Variants in PCDH15 observed in about 807,000 individuals in gnomAD.
PCDH15 encodes protocadherin related 15.
PCDH15 carries 129 observed loss-of-function variants against 178.5 expected under a neutral mutation model. That is an observed-to-expected ratio of 0.72 (90% CI 0.63 to 0.84). The LOEUF (loss-of-function observed/expected upper bound fraction) is 0.84. Among genes scored for constraint, PCDH15 ranks in the 40% least tolerant of loss-of-function variants. The pLI, the probability that PCDH15 is intolerant of heterozygous loss-of-function variation, is 0.00. For synonymous variants in PCDH15, 800 were observed against 732.0 expected, an observed-to-expected ratio of 1.09 and a Z score of -1.50; for missense variants, 2,230 against 2,099.9, an observed-to-expected ratio of 1.06 and a Z score of -1.21.
chr10:54,769,533 A>G (rs1195871729), intron 1 of PCDH15, among the ~76,000 whole-genome samples: 1 of 151,708 alleles, frequency 6.6e-6, no homozygotes, highest in Non-Finnish European at 1.5e-5. Flanking sequence ...AAGATAGACC[A>G]TATTTTCTTA....
intron 3 of PCDH15, among the ~76,000 whole-genome samples, chr10:54,893,507 T>C (rs1359593457): frequency 2.6e-5 from 4 of 152,084 alleles, no homozygotes; most frequent in Non-Finnish European, 4.4e-5. Context: ...GGTAATAAAG[T>C]AAATTGTCCT....
chr10:54,655,256 AAGAGAGAG>A (rs1173377441), intron 2 of PCDH15, among the ~76,000 whole-genome samples: 2,012 of 48,878 alleles, frequency 0.041, 27 homozygotes, highest in Middle Eastern at 0.098. Flanking sequence ...GAAAGAAAGA[AAGAGAGAG>A]AGAGAGAGAG....
intron 13 of PCDH15, among the ~76,000 whole-genome samples, chr10:54,169,659 A>C (rs2046662993): frequency 6.6e-6 from 1 of 150,690 alleles, no homozygotes; most frequent in Non-Finnish European, 1.5e-5. Context: ...AGTATAAGAT[A>C]CCTCTACTCC....
At chr10:54,849,446 C>T (rs1447576648) in intron 3 of PCDH15, among the ~76,000 whole-genome samples, 3 of 152,140 alleles carry the variant, frequency 2.0e-5, no homozygotes, top group African/African-American at 7.2e-5. Context: ...TTAATTTAGG[C>T]CATTTTTCAT....
intron 15 of PCDH15, among the ~76,000 whole-genome samples, chr10:54,132,366 C>T (rs1246712529): frequency 6.6e-6 from 1 of 152,254 alleles, no homozygotes; most frequent in African/African-American, 2.4e-5. Context: ...CTACCCCCTT[C>T]TTCTAAAGGA....
chr10:54,827,394 A>G (rs1425719956), intron 3 of PCDH15, among the ~76,000 whole-genome samples: 1 of 152,150 alleles, frequency 6.6e-6, no homozygotes, highest in Non-Finnish European at 1.5e-5. Context: ...TGGGCAGTGT[A>G]CGAACTAGTG....
intron 1 of PCDH15, among the ~76,000 whole-genome samples, chr10:54,763,619 TC>T (rs943900624): frequency 2.0e-5 from 3 of 151,940 alleles, no homozygotes; most frequent in African/African-American, 7.2e-5. Context: ...TTTGAAATGT[TC>T]CCAAAACAAA....
chr10:54,099,953 A>G (rs768055450), intron 15 of PCDH15, among the ~76,000 whole-genome samples: 8 of 152,224 alleles, frequency 5.3e-5, no homozygotes, highest in Non-Finnish European at 1.0e-4. Context: ...ATCCCTAGAC[A>G]TCTATTCTAA....
chr10:54,746,596 C>T (rs1945493734), intron 1 of PCDH15, among the ~76,000 whole-genome samples: 1 of 152,044 alleles, frequency 6.6e-6, no homozygotes, highest in Non-Finnish European at 1.5e-5. Flanking sequence ...ATATATTCAC[C>T]TATTATGTAT....
At chr10:54,734,855 C>T (rs1943871506) in intron 1 of PCDH15, among the ~76,000 whole-genome samples, 1 of 148,710 alleles carries the variant, frequency 6.7e-6, no homozygotes, top group South Asian at 2.1e-4. Flanking sequence ...AAAAGCAAAA[C>T]TATAAGAAAG....
chr10:54,053,851 T>C (rs957211592), intron 18 of PCDH15, among the ~76,000 whole-genome samples: 3 of 152,146 alleles, frequency 2.0e-5, no homozygotes, highest in Non-Finnish European at 4.4e-5. Context: ...AAGACCAGTA[T>C]CAGGATAACT....
intron 1 of PCDH15, among the ~76,000 whole-genome samples, chr10:55,266,074 G>C (rs58521439): frequency 6.6e-6 from 1 of 152,112 alleles, no homozygotes; most frequent in Non-Finnish European, 1.5e-5. Context: ...TTTCACCAGG[G>C]TGAAACACCT....
intron 1 of PCDH15, among the ~76,000 whole-genome samples, chr10:55,245,865 T>C (rs1841666713): frequency 6.6e-6 from 1 of 152,232 alleles, no homozygotes; most frequent in Admixed American, 6.5e-5. Flanking sequence ...TAGATCAGAG[T>C]AGACAGCAAA....
chr10:54,091,490 T>C (rs546534351), intron 15 of PCDH15, among the ~76,000 whole-genome samples: 1 of 152,194 alleles, frequency 6.6e-6, no homozygotes, highest in Non-Finnish European at 1.5e-5. Flanking sequence ...GGCTTTGACA[T>C]GGATTACACA....
chr10:54,838,668 G>C (rs1398747149), intron 3 of PCDH15, among the ~76,000 whole-genome samples: 1 of 152,070 alleles, frequency 6.6e-6, no homozygotes, highest in Non-Finnish European at 1.5e-5. Context: ...ATGTAACCCA[G>C]ATACAAACCT....
intron 2 of PCDH15, among the ~76,000 whole-genome samples, chr10:55,555,913 T>C (rs1446136075): frequency 6.6e-6 from 1 of 152,158 alleles, no homozygotes; most frequent in Non-Finnish European, 1.5e-5. Context: ...CCTGACATCA[T>C]CCAAAGAAAT....
At chr10:54,079,457 A>C (rs2094401431) in intron 16 of PCDH15, 33 bp from the exon 17 acceptor site, 1 of 1,575,038 alleles carries the variant, frequency 6.3e-7, no homozygotes, top group Non-Finnish European at 8.7e-7. Context: ...AATAAGACAA[A>C]AAGAGATATT....
chr10:54,351,929 A>T (rs1565049649), intron 5 of PCDH15, among the ~76,000 whole-genome samples: 1 of 152,214 alleles, frequency 6.6e-6, no homozygotes. Context: ...ATAACCTTAT[A>T]TTCACGAAAC....
intron 1 of PCDH15, among the ~76,000 whole-genome samples, chr10:55,275,892 C>T (rs1842582895): frequency 6.6e-6 from 1 of 151,236 alleles, no homozygotes; most frequent in Non-Finnish European, 1.5e-5. Flanking sequence ...TATTTCTACC[C>T]AATAATGAGG....
Sources: gnomAD v4.1 joint callset for allele counts (sites outside exome capture counted in the v4.1 genomes callset) on GRCh38, gnomAD v4.1.1 for gene constraint, MANE v1.5 for transcripts, NCBI Gene and HGNC (gene_info 2026-07-23, HGNC 2026-07-21) for gene names.